The following CASK variants were observed in gnomAD, a reference collection of about 807,000 sequenced individuals.
The protein encoded by CASK is calcium/calmodulin dependent serine protein kinase, also known as peripheral plasma membrane protein CASK.
A neutral mutation model predicts 82.9 loss-of-function variants in CASK; 4 were observed. That is an observed-to-expected ratio of 0.05 (90% confidence interval 0.02 to 0.11). CASK has a LOEUF of 0.11. Ranked by LOEUF, CASK falls within the 10% of genes least tolerant of loss-of-function variation. The pLI is 1.00. For synonymous variants in CASK, 259 were observed against 253.5 expected, an observed-to-expected ratio of 1.02 and a Z score of -0.20; for missense variants, 358 against 720.9, an observed-to-expected ratio of 0.50 and a Z score of 5.76.
At chrX:41,736,609 A>T (rs1024081847) in intron 5 of CASK, among the ~76,000 whole-genome samples, 2 of 112,575 alleles carry the variant, frequency 1.8e-5, no homozygotes, top group African/African-American at 6.5e-5. Flanking sequence ...AACAATGGCA[A>T]TTTTTGGGGT....
intron 5 of CASK, among the ~76,000 whole-genome samples, chrX:41,682,055 T>TAAAA (rs35914567): frequency 1.5e-5 from 1 of 67,803 alleles, no homozygotes; most frequent in Non-Finnish European, 2.7e-5. Flanking sequence ...AGGACCATTG[T>TAAAA]AAAAAAAAAA....
chrX:41,845,176 C>T (rs776145640), intron 2 of CASK, among the ~76,000 whole-genome samples: 85 of 112,157 alleles, frequency 7.6e-4, no homozygotes, highest in Non-Finnish European at 1.4e-3. Context: ...GAGTGTTCTA[C>T]AGATGTCTGT....
chrX:41,529,534 G>A (rs760825309), intron 25 of CASK: 1 of 113,124 alleles, frequency 8.8e-6, no homozygotes, highest in East Asian at 2.8e-4. Context: ...ACTACCAGCA[G>A]AAAACGACGT....
At chrX:41,862,684 T>C (rs1350532938) in intron 1 of CASK, among the ~76,000 whole-genome samples, 1 of 110,457 alleles carries the variant, frequency 9.1e-6, no homozygotes, top group African/African-American at 3.3e-5. Flanking sequence ...TGAGAGACGT[T>C]GTGGAGTGGG....
chrX:41,871,600 A>G (rs2071709265), intron 1 of CASK, among the ~76,000 whole-genome samples: 1 of 112,278 alleles, frequency 8.9e-6, no homozygotes, highest in African/African-American at 3.2e-5. Flanking sequence ...GCCTACCACA[A>G]TACCTGTCAT....
chrX:41,526,460 C>T (rs1177545070), intron 25 of CASK, among the ~76,000 whole-genome samples: 1 of 112,130 alleles, frequency 8.9e-6, no homozygotes, highest in Non-Finnish European at 1.9e-5. Flanking sequence ...CAGTCCTTAT[C>T]ATGTTTTCCA....
At chrX:41,649,404 T>G (rs1042799384) in intron 8 of CASK, among the ~76,000 whole-genome samples, 1 of 112,086 alleles carries the variant, frequency 8.9e-6, no homozygotes, top group African/African-American at 3.2e-5. Context: ...TGCTATAAAT[T>G]TCCCACTACA....
intron 3 of CASK, among the ~76,000 whole-genome samples, chrX:41,770,310 A>ATCCATCCAT (rs1465927861): frequency 3.4e-4 from 33 of 96,885 alleles, no homozygotes; most frequent in African/African-American, 7.6e-4. Context: ...CTACCTACCT[A>ATCCATCCAT]CCTATCCATC....
At chrX:41,582,171 C>T (rs1378446903) in intron 14 of CASK, among the ~76,000 whole-genome samples, 1 of 110,313 alleles carries the variant, frequency 9.1e-6, no homozygotes, top group African/African-American at 3.3e-5. Flanking sequence ...ACTCTTATCC[C>T]CCCTACAGTC....
chrX:41,870,535 T>C (rs984931782), intron 1 of CASK, among the ~76,000 whole-genome samples: 2 of 111,798 alleles, frequency 1.8e-5, no homozygotes, highest in Non-Finnish European at 3.8e-5. Context: ...AAATAAAACA[T>C]AAATATGTGA....
intron 2 of CASK, among the ~76,000 whole-genome samples, chrX:41,808,244 C>G (rs2070173031): frequency 8.9e-6 from 1 of 111,928 alleles, no homozygotes; most frequent in Admixed American, 9.5e-5. Context: ...CAAACCATAG[C>G]ACATGGTGAT....
intron 1 of CASK, among the ~76,000 whole-genome samples, chrX:41,900,703 A>G: frequency 1.1e-5 from 1 of 93,015 alleles, no homozygotes; most frequent in Non-Finnish European, 2.1e-5. Context: ...AACTCACTGA[A>G]CTTCTTTTAA....
At chrX:41,592,906 T>G (rs1281473626) in intron 12 of CASK, among the ~76,000 whole-genome samples, 1 of 111,957 alleles carries the variant, frequency 8.9e-6, no homozygotes, top group Admixed American at 9.5e-5. Flanking sequence ...CGCTGTTCTA[T>G]CCATACAACT....
At chrX:41,564,802 C>T (rs775229185) in intron 16 of CASK, among the ~76,000 whole-genome samples, 19 of 111,445 alleles carry the variant, frequency 1.7e-4, no homozygotes, top group Non-Finnish European at 2.4e-4. Flanking sequence ...CACCACACTG[C>T]ACTTATTCTA....
intron 11 of CASK, among the ~76,000 whole-genome samples, chrX:41,611,084 C>T (rs1166587276): frequency 9.0e-6 from 1 of 111,568 alleles, no homozygotes; most frequent in African/African-American, 3.3e-5. Context: ...GGGAGGGCAG[C>T]TATTGCTATC....
At chrX:41,806,471 T>C (rs1439535687) in intron 2 of CASK, among the ~76,000 whole-genome samples, 1 of 112,326 alleles carries the variant, frequency 8.9e-6, no homozygotes, top group Non-Finnish European at 1.9e-5. Flanking sequence ...GAGGTACACA[T>C]TTGTAAAAGT....
intron 1 of CASK, among the ~76,000 whole-genome samples, chrX:41,873,923 T>C (rs926506065): frequency 1.5e-4 from 16 of 108,516 alleles, no homozygotes; most frequent in Non-Finnish European, 1.9e-5. Flanking sequence ...CCTGAGTGGC[T>C]GGGTCTATAG....
intron 5 of CASK, among the ~76,000 whole-genome samples, chrX:41,711,570 A>G (rs2067977614): frequency 9.0e-6 from 1 of 110,846 alleles, no homozygotes; most frequent in Non-Finnish European, 1.9e-5. Flanking sequence ...AAGCCTACCT[A>G]CATGTCCCGG....
chrX:41,701,538 GA>G (rs2067792413), intron 5 of CASK, among the ~76,000 whole-genome samples: 1 of 111,854 alleles, frequency 8.9e-6, no homozygotes, highest in South Asian at 3.7e-4. Context: ...CAACTCAGAC[GA>G]GAGATAAACT....
Sources: gnomAD v4.1 joint callset for allele counts (sites outside exome capture counted in the v4.1 genomes callset) on GRCh38, gnomAD v4.1.1 for gene constraint, MANE v1.5 for transcripts, NCBI Gene and HGNC (gene_info 2026-07-23, HGNC 2026-07-21) for gene names.